HOMER1: variants seen among roughly 807,000 people sequenced by gnomAD.
HOMER1 encodes the protein homer scaffold protein 1, also known as homer protein homolog 1.
In HOMER1, 3 loss-of-function variants were observed where a neutral mutation model predicts 48.9. The observed-to-expected ratio is 0.06, with a 90% CI of 0.03 to 0.16. The LOEUF is 0.16. HOMER1 is among the 10% of genes least tolerant of loss of function. HOMER1 has a pLI of 1.00. For missense variants in HOMER1, 247 were observed against 411.4 expected (o/e 0.60, Z 3.46); for synonymous variants, 134 against 146.4 (o/e 0.92, Z 0.61).
chr5:79,460,717 A>C (rs1751297756), intron 1 of HOMER1, among the ~76,000 whole-genome samples: 2 of 152,136 alleles, frequency 1.3e-5, no homozygotes, highest in Non-Finnish European at 2.9e-5. Flanking sequence ...ACAATGAGGG[A>C]AACTGCTATT....
intron 5 of HOMER1, among the ~76,000 whole-genome samples, chr5:79,432,768 C>T (rs1750459432): frequency 6.6e-6 from 1 of 152,032 alleles, no homozygotes; most frequent in Admixed American, 6.6e-5. Flanking sequence ...TCTCAGTTTC[C>T]AGAGAATGCA....
intron 2 of HOMER1, among the ~76,000 whole-genome samples, chr5:79,454,117 T>A (rs1405332487): frequency 6.6e-6 from 1 of 152,206 alleles, no homozygotes; most frequent in African/African-American, 2.4e-5. Context: ...AGAGCAACAT[T>A]TCATATTGCT....
intron 4 of HOMER1, among the ~76,000 whole-genome samples, chr5:79,445,546 T>C (rs775091487): frequency 6.8e-6 from 1 of 148,034 alleles, no homozygotes; most frequent in Non-Finnish European, 1.5e-5. Context: ...GAAAAAGTAA[T>C]ACTTTTGTAA....
chr5:79,492,907 CTTTTTTTTTTTTTT>C (rs558428061), intron 1 of HOMER1, among the ~76,000 whole-genome samples: 1 of 84,030 alleles, frequency 1.2e-5, no homozygotes, highest in Non-Finnish European at 2.3e-5. Flanking sequence ...AAAACTTTGT[CTTTTTTTTTTTTTT>C]TTTTTTTTTT....
At chr5:79,469,009 G>T (rs1158403682) in intron 1 of HOMER1, among the ~76,000 whole-genome samples, 1 of 152,098 alleles carries the variant, frequency 6.6e-6, no homozygotes, top group Non-Finnish European at 1.5e-5. Flanking sequence ...AGCTCCAATA[G>T]TGAAAAAGAC....
At chr5:79,452,619 G>C (rs142195405) in intron 2 of HOMER1, among the ~76,000 whole-genome samples, 2 of 152,048 alleles carry the variant, frequency 1.3e-5, no homozygotes, top group African/African-American at 4.8e-5. Context: ...CAGTATAAAA[G>C]TAAATATTTA....
chr5:79,471,926 T>C (rs1197562974), intron 1 of HOMER1, among the ~76,000 whole-genome samples: 2 of 152,220 alleles, frequency 1.3e-5, no homozygotes, highest in African/African-American at 4.8e-5. Flanking sequence ...GCTCAAATGT[T>C]ACCTTCTCAA....
chr5:79,396,706 G>A (rs6872497), intron 8 of HOMER1, 117 bp downstream of exon 8: 111,615 of 513,038 alleles, frequency 0.22, 12,821 homozygotes, highest in South Asian at 0.33. Context: ...CAGAAGTCCC[G>A]GAAAAGAAAA....
At chr5:79,383,547 G>A (rs754192832) in intron 8 of HOMER1, among the ~76,000 whole-genome samples, 4 of 151,884 alleles carry the variant, frequency 2.6e-5, no homozygotes, top group African/African-American at 4.8e-5. Flanking sequence ...CACCATGCCC[G>A]GCTCATTTTT....
At chr5:79,396,000 T>A (rs570180813) in intron 8 of HOMER1, among the ~76,000 whole-genome samples, 1 of 152,282 alleles carries the variant, frequency 6.6e-6, no homozygotes, top group South Asian at 2.1e-4. Context: ...ATACATATAC[T>A]TATTTCTACT....
intron 6 of HOMER1, among the ~76,000 whole-genome samples, chr5:79,401,012 G>A (rs1749524323): frequency 6.7e-6 from 1 of 148,644 alleles, no homozygotes; most frequent in Non-Finnish European, 1.5e-5. Flanking sequence ...TGGCCTGAGA[G>A]CATTAAAACA....
chr5:79,465,031 T>C (rs1231167839), intron 1 of HOMER1, among the ~76,000 whole-genome samples: 1 of 143,138 alleles, frequency 7.0e-6, no homozygotes, highest in Non-Finnish European at 1.5e-5. Flanking sequence ...TCTGGAAGGA[T>C]TTTTTTTTTT....
chr5:79,478,107 A>T (rs1432535300), intron 1 of HOMER1, among the ~76,000 whole-genome samples: 1 of 152,178 alleles, frequency 6.6e-6, no homozygotes, highest in Non-Finnish European at 1.5e-5. Context: ...GAGGCATTTA[A>T]AGAGTCAGGA....
rs574384293 is a variant in HOMER1, at chr5:79,444,707, T to A, written c.387+2346A>T. 4.6e-5 allele frequency among the ~76,000 whole-genome samples: 7 copies of A among 152,334 alleles called. 1 individual carries two copies. The South Asian group carries it at 6.2e-4, about 14-fold the overall frequency. ...AATGGCAAAGCTTAATCCATCACAC[T>A]TTTATTAAAATCCTTTGAGTACTCT... On this transcript the variant is annotated intron_variant, in intron 4 of 8. Coordinates refer to ENST00000334082, the MANE Select transcript of HOMER1 (RefSeq NM_004272.5).
chr5:79,414,746 T>G (rs1480872456), intron 5 of HOMER1, among the ~76,000 whole-genome samples: 1 of 152,156 alleles, frequency 6.6e-6, no homozygotes, highest in Non-Finnish European at 1.5e-5. Context: ...CCTTGTTTTT[T>G]TCTTAATGTA....
intron 6 of HOMER1, among the ~76,000 whole-genome samples, chr5:79,399,734 T>C (rs1561348587): frequency 6.6e-6 from 1 of 152,136 alleles, no homozygotes; most frequent in Non-Finnish European, 1.5e-5. Flanking sequence ...CAATACAAAA[T>C]TAAAAATGAC....
At chr5:79,468,411 T>A (rs10474587) in intron 1 of HOMER1, among the ~76,000 whole-genome samples, 40,409 of 152,054 alleles carry the variant, frequency 0.27, 5,496 homozygotes, top group South Asian at 0.39. Flanking sequence ...AGTATTTTTT[T>A]AAAAAATGTA....
chr5:79,380,806 C>T (rs935613238), intron 8 of HOMER1, among the ~76,000 whole-genome samples: 3 of 152,120 alleles, frequency 2.0e-5, no homozygotes, highest in Admixed American at 6.5e-5. Flanking sequence ...GTTGGGCTTA[C>T]CTTCCTGGCT....
At chr5:79,423,849 G>A (rs375212877) in intron 5 of HOMER1, among the ~76,000 whole-genome samples, 7 of 152,116 alleles carry the variant, frequency 4.6e-5, no homozygotes, top group South Asian at 2.1e-4. Flanking sequence ...CTGTGAACAC[G>A]ACTAGTGGCA....
Sources: allele counts gnomAD v4.1 joint callset (sites outside exome capture counted in the v4.1 genomes callset), GRCh38; gene constraint gnomAD v4.1.1; transcripts MANE v1.5; gene names NCBI Gene and HGNC (gene_info 2026-07-23, HGNC 2026-07-21).